SPAG17: variants seen among roughly 807,000 people sequenced by gnomAD.
The protein encoded by SPAG17 is sperm associated antigen 17, also known as sperm-associated antigen 17.
In SPAG17, 169 loss-of-function variants were observed where a neutral mutation model predicts 273.6. The ratio of observed to expected loss-of-function variants is 0.62; its 90% confidence interval spans 0.55 to 0.70. SPAG17 has a LOEUF of 0.70. Among genes scored for constraint, SPAG17 ranks in the 30% least tolerant of loss-of-function variants. The pLI, the probability that SPAG17 is intolerant of heterozygous loss-of-function variation, is 0.00. For synonymous variants in SPAG17, 825 were observed against 873.2 expected (o/e 0.94, Z 0.97); for missense variants, 2,557 against 2,627.8 (o/e 0.97, Z 0.59).
chr1:118,018,246 T>G (rs1020759533), intron 28 of SPAG17, among the ~76,000 whole-genome samples: 1 of 152,178 alleles, frequency 6.6e-6, no homozygotes, highest in Non-Finnish European at 1.5e-5. Context: ...GACTACACTC[T>G]CAGACTAAGT....
intron 32 of SPAG17, among the ~76,000 whole-genome samples, chr1:117,998,395 T>C (rs1657898817): frequency 1.3e-5 from 2 of 152,128 alleles, no homozygotes. Context: ...GGGCTCTCTA[T>C]TTGGTTTCAT....
chr1:118,058,683 C>T (rs906759041), intron 18 of SPAG17, among the ~76,000 whole-genome samples: 7 of 152,158 alleles, frequency 4.6e-5, no homozygotes, highest in Admixed American at 1.3e-4. Context: ...GAAAAGTAAT[C>T]CTCTTCTTAG....
chr1:118,174,019 T>G (rs986439307), intron 1 of SPAG17, among the ~76,000 whole-genome samples: 2 of 152,050 alleles, frequency 1.3e-5, no homozygotes, highest in African/African-American at 4.8e-5. Flanking sequence ...CTTCAAAACC[T>G]GGAAGTGGCT....
intron 3 of SPAG17, among the ~76,000 whole-genome samples, chr1:118,129,409 G>A (rs1397732641): frequency 6.6e-6 from 1 of 152,134 alleles, no homozygotes. Context: ...GGGCTCCAAC[G>A]CAGACCTGCT....
intron 29 of SPAG17, among the ~76,000 whole-genome samples, chr1:118,014,700 G>A (rs957283852): frequency 6.6e-6 from 1 of 152,160 alleles, no homozygotes; most frequent in African/African-American, 2.4e-5. Flanking sequence ...TTTAAACAAG[G>A]GTAGGAAGTT....
intron 13 of SPAG17, among the ~76,000 whole-genome samples, chr1:118,083,158 G>A (rs1029867819): frequency 1.3e-5 from 2 of 152,082 alleles, no homozygotes; most frequent in African/African-American, 4.8e-5. Context: ...GTTTTGCCAT[G>A]TCGGCCAGGC....
Position 118,101,861 on chromosome 1 carries a change from C to T in SPAG17, c.513G>A (p.Lys171=). 1.2e-6 allele frequency: 2 copies of T among 1,613,974 alleles called. No individual in the cohort carries two copies. Among genetic ancestry groups the T allele is most frequent in the Non-Finnish European group, 8.5e-7 (1 of 1,179,954 alleles). Residue 171 remains lysine, a synonymous_variant, in exon 5 of 49, where the codon AAG becomes AAA. Transcript: ENST00000336338. The part of the protein sequence containing the change: ...KGKAKSPKEK[K]APSAKPAKGK... ...CTTTGGCAGGCTTGGCACTTGGAGC[C>T]TTTTTCTCCTTGGGAGATTTTGCTT...
In SPAG17 at chr1:118,064,523, C is replaced by T. The variant is rs1172804662; in HGVS notation, c.2540+2222G>A. 4.2e-5 allele frequency among the ~76,000 whole-genome samples: 6 copies of T among 141,696 alleles called. No homozygotes were observed. In the South Asian group the frequency reaches 6.8e-4, roughly 16 times the overall value. The allele number at this position is 141,696 out of a possible 152,430, so 93.0% of individuals were successfully genotyped here. ...ACACCGCATGTTCTCACTCATAGGT[C>T]GGAATTGAACAATGAGAACACATGG... On this transcript the variant is annotated intron_variant, in intron 18 of 48. Coordinates refer to ENST00000336338, the MANE Select transcript of SPAG17 (RefSeq NM_206996.4).
chr1:118,133,312 A>G (rs922100249), intron 3 of SPAG17, among the ~76,000 whole-genome samples: 2 of 152,118 alleles, frequency 1.3e-5, no homozygotes, highest in Admixed American at 1.3e-4. Flanking sequence ...AGATGGAGAG[A>G]GAGTTTATCG....
intron 48 of SPAG17, chr1:117,959,263 T>G (rs2101325780): frequency 6.3e-7 from 1 of 1,594,454 alleles, no homozygotes; most frequent in Non-Finnish European, 8.5e-7. Flanking sequence ...GGGAGAAAAT[T>G]TTTTAATATT....
At chr1:118,015,831 C>A in intron 29 of SPAG17, 134 bp downstream of exon 29, 3 of 769,908 alleles carry the variant, frequency 3.9e-6, no homozygotes, top group Non-Finnish European at 6.2e-6. Context: ...ATCATCCATC[C>A]ATCCACCCAT....
At chr1:118,008,299 C>A in intron 30 of SPAG17, 101 bp from the exon 31 acceptor site, 1 of 1,370,256 alleles carries the variant, frequency 7.3e-7, no homozygotes. Context: ...TGTCTGGATT[C>A]CCCATGGAAA....
At chr1:118,075,624 C>T (rs2102117886) in intron 15 of SPAG17, among the ~76,000 whole-genome samples, 1 of 152,246 alleles carries the variant, frequency 6.6e-6, no homozygotes, top group Non-Finnish European at 1.5e-5. Flanking sequence ...TTTGATGCTG[C>T]TGAACAACTG....
At chr1:118,137,073 G>T (rs905688091) in intron 3 of SPAG17, among the ~76,000 whole-genome samples, 5 of 152,094 alleles carry the variant, frequency 3.3e-5, no homozygotes, top group African/African-American at 1.2e-4. Flanking sequence ...GATAGAGCCT[G>T]TATCTTTTTT....
At chr1:118,141,968 C>G (rs1048156486) in intron 3 of SPAG17, among the ~76,000 whole-genome samples, 1 of 152,154 alleles carries the variant, frequency 6.6e-6, no homozygotes, top group Non-Finnish European at 1.5e-5. Flanking sequence ...TCTTCCCTTA[C>G]TTGCTTAATT....
intron 48 of SPAG17, chr1:117,959,571 T>C: frequency 9.3e-7 from 1 of 1,079,238 alleles, no homozygotes; most frequent in Non-Finnish European, 1.3e-6. Flanking sequence ...GCAGATGATA[T>C]CAGGATGTGG....
At chr1:118,050,341 A>G (rs1222226600) in intron 20 of SPAG17, among the ~76,000 whole-genome samples, 1 of 152,172 alleles carries the variant, frequency 6.6e-6, no homozygotes, top group African/African-American at 2.4e-5. Context: ...GCTTTTTAAT[A>G]AACTTCCACT....
At chr1:118,095,404 C>G (rs1655645047) in intron 7 of SPAG17, among the ~76,000 whole-genome samples, 2 of 152,210 alleles carry the variant, frequency 1.3e-5, no homozygotes, top group South Asian at 4.1e-4. Context: ...GCAAAAGGTA[C>G]TTGGCTTGAG....
intron 28 of SPAG17, among the ~76,000 whole-genome samples, chr1:118,020,426 C>T (rs144835336): frequency 1.3e-5 from 2 of 149,512 alleles, no homozygotes; most frequent in African/African-American, 4.9e-5. Flanking sequence ...CAGAGTGACA[C>T]TGTGTCTCAA....
Sources: gnomAD v4.1 joint callset for allele counts (sites outside exome capture counted in the v4.1 genomes callset) on GRCh38, gnomAD v4.1.1 for gene constraint, MANE v1.5 for transcripts, NCBI Gene and HGNC (gene_info 2026-07-23, HGNC 2026-07-21) for gene names.